ATL2: variants seen among roughly 807,000 people sequenced by gnomAD.
ATL2 encodes atlastin-2.
Under a neutral mutation model 73.9 loss-of-function variants are expected in ATL2, and 31 were observed. The observed-to-expected ratio is 0.42, with a 90% CI of 0.32 to 0.57. The LOEUF is 0.57. Ranked by LOEUF, ATL2 falls within the 20% of genes least tolerant of loss-of-function variation. The probability of loss-of-function intolerance (pLI) is 0.14; values close to 1 mark genes in which losing one functional copy is unlikely to be tolerated. For missense variants in ATL2, 738 were observed against 702.6 expected, an observed-to-expected ratio of 1.05 and a Z score of -0.57; for synonymous variants, 291 against 237.5, an observed-to-expected ratio of 1.23 and a Z score of -2.07.
At chr2:38,332,609 G>A (rs564057308) in intron 2 of ATL2, among the ~76,000 whole-genome samples, 3 of 152,268 alleles carry the variant, frequency 2.0e-5, no homozygotes, top group South Asian at 2.1e-4. Context: ...TATATGGTAA[G>A]TAAATTATAT....
intron 1 of ATL2, among the ~76,000 whole-genome samples, chr2:38,349,386 A>T (rs1401715458): frequency 2.6e-5 from 4 of 151,514 alleles, no homozygotes; most frequent in African/African-American, 4.9e-5. Flanking sequence ...ACATGGATGA[A>T]ATTGGAAATC....
chr2:38,340,143 A>T (rs1458412800), intron 2 of ATL2, among the ~76,000 whole-genome samples: 2 of 124,790 alleles, frequency 1.6e-5, no homozygotes, highest in Non-Finnish European at 3.2e-5. Context: ...ACCTGTGGTG[A>T]AAAGTTCAGA....
chr2:38,364,952 G>T (rs1671224561), intron 1 of ATL2, among the ~76,000 whole-genome samples: 1 of 151,960 alleles, frequency 6.6e-6, no homozygotes, highest in Non-Finnish European at 1.5e-5. Context: ...GCTGAGGCAG[G>T]AGAATGGCGT....
chr2:38,346,233 C>G (rs1432796695), intron 1 of ATL2, among the ~76,000 whole-genome samples: 1 of 152,186 alleles, frequency 6.6e-6, no homozygotes, highest in African/African-American at 2.4e-5. Context: ...CTGCACTTGT[C>G]ACTGCCACAG....
chr2:38,299,959 C>T (rs1667097603), intron 10 of ATL2, among the ~76,000 whole-genome samples: 1 of 152,110 alleles, frequency 6.6e-6, no homozygotes, highest in South Asian at 2.1e-4. Flanking sequence ...AGAATAGAAG[C>T]AGCTTAGTTC....
chr2:38,314,688 T>TAATG (rs1558399734), intron 5 of ATL2, 24 bp from the exon 6 acceptor site: 2 of 1,477,630 alleles, frequency 1.4e-6, no homozygotes, highest in Non-Finnish European at 1.9e-6. Flanking sequence ...TTAGTTAAAA[T>TAATG]AATGCCTCTA....
At chr2:38,309,628 C>A in intron 8 of ATL2, 122 bp from the exon 9 acceptor site, 2 of 992,896 alleles carry the variant, frequency 2.0e-6, no homozygotes, top group Non-Finnish European at 1.4e-6. Flanking sequence ...GAAGTGGATT[C>A]ATTTTTTAAA....
intron 1 of ATL2, among the ~76,000 whole-genome samples, chr2:38,353,907 G>A (rs1288029655): frequency 6.6e-6 from 1 of 152,090 alleles, no homozygotes; most frequent in African/African-American, 2.4e-5. Context: ...AAAAGCAAAA[G>A]TATGGCCGGG....
At chr2:38,376,091 A>C (rs1341009997) in intron 1 of ATL2, 3 of 1,458,058 alleles carry the variant, frequency 2.1e-6, no homozygotes, top group Non-Finnish European at 2.7e-6. Flanking sequence ...ATTTAATAAT[A>C]AACTCTTATC....
At chr2:38,357,559 G>A (rs1241176212) in intron 1 of ATL2, among the ~76,000 whole-genome samples, 1 of 141,302 alleles carries the variant, frequency 7.1e-6, no homozygotes, top group Admixed American at 7.5e-5. Flanking sequence ...GGCTGAGGCA[G>A]AAGAATCGCT....
At chr2:38,325,761 C>CACACACACACACA (rs1367045070) in intron 2 of ATL2, among the ~76,000 whole-genome samples, 6 of 139,758 alleles carry the variant, frequency 4.3e-5, no homozygotes, top group East Asian at 2.1e-4. Context: ...CACACACACA[C>CACACACACACACA]CAGTCCCCAC....
At chr2:38,368,247 C>CTTTTTT (rs569726038) in intron 1 of ATL2, among the ~76,000 whole-genome samples, 2 of 138,040 alleles carry the variant, frequency 1.4e-5, no homozygotes, top group African/African-American at 5.3e-5. Context: ...AAAATAAGGA[C>CTTTTTT]TTTTTTTTTT....
rs373250661 is a variant in ATL2, at chr2:38,377,136, C to T, written c.118+7G>A. On this transcript the variant is annotated splice_region_variant and intron_variant, in intron 1 of 12. Coordinates refer to ENST00000378954, the MANE Select transcript of ATL2 (RefSeq NM_001135673.4). ...GGCCCCGCGGCCTCTGCCTCGCTGGCCCGTACCTAGGGAGGTCGTGGACGA... is the reference window on the plus strand; with the variant it reads ...GGCCCCGCGGCCTCTGCCTCGCTGGTCCGTACCTAGGGAGGTCGTGGACGA... The T allele has an allele frequency of 3.7e-6, 6 of 1,609,352 alleles. No individual in the cohort carries two copies. The highest frequency in any genetic ancestry group is 5.1e-6 in the Non-Finnish European group (6 of 1,178,878).
intron 3 of ATL2, 54 bp downstream of exon 3, chr2:38,318,831 T>G (rs1261085152): frequency 1.9e-6 from 3 of 1,567,966 alleles, no homozygotes; most frequent in Non-Finnish European, 2.6e-6. Context: ...TTTTTAATAC[T>G]GGAAAATAGC....
chr2:38,312,406 A>G (rs1251573492), intron 7 of ATL2, among the ~76,000 whole-genome samples: 1 of 150,774 alleles, frequency 6.6e-6, no homozygotes, highest in Non-Finnish European at 1.5e-5. Context: ...CTCTCCTGCC[A>G]TCTTGTGAAG....
intron 2 of ATL2, among the ~76,000 whole-genome samples, chr2:38,325,661 TACACACACACACAC>T (rs562138786): frequency 1.1e-3 from 46 of 41,694 alleles, no homozygotes; most frequent in East Asian, 2.3e-3. Flanking sequence ...CACACACCAG[TACACACACACACAC>T]ACACACACAC....
intron 1 of ATL2, among the ~76,000 whole-genome samples, chr2:38,346,087 A>T (rs114898121): frequency 0.013 from 2,001 of 152,328 alleles, 28 homozygotes; most frequent in Non-Finnish European, 0.02. Context: ...CCATCCACCC[A>T]TCTGCTCTGG....
intron 9 of ATL2, among the ~76,000 whole-genome samples, chr2:38,303,252 C>G (rs1667276313): frequency 6.6e-6 from 1 of 152,138 alleles, no homozygotes; most frequent in Non-Finnish European, 1.5e-5. Context: ...GTCTCCCAGA[C>G]TGGAGTGCAA....
chr2:38,328,866 A>T (rs1327406327), intron 2 of ATL2, among the ~76,000 whole-genome samples: 1 of 152,054 alleles, frequency 6.6e-6, no homozygotes, highest in Non-Finnish European at 1.5e-5. Flanking sequence ...CACAACAGAA[A>T]AAACAAATCA....
Sources: allele counts gnomAD v4.1 joint callset (sites outside exome capture counted in the v4.1 genomes callset), GRCh38; gene constraint gnomAD v4.1.1; transcripts MANE v1.5; gene names NCBI Gene and HGNC (gene_info 2026-07-23, HGNC 2026-07-21).